ROBO1: variants seen among roughly 807,000 people sequenced by gnomAD.
The protein encoded by ROBO1 is roundabout homolog 1.
In ROBO1, 149 loss-of-function variants were observed where a neutral mutation model predicts 195.9. That is an observed-to-expected ratio of 0.76 (90% CI 0.67 to 0.87). The LOEUF (loss-of-function observed/expected upper bound fraction) is 0.87. Ranked by LOEUF, ROBO1 falls within the 40% of genes least tolerant of loss-of-function variation. The probability of loss-of-function intolerance (pLI) is 0.00; values close to 1 mark genes in which losing one functional copy is unlikely to be tolerated. For synonymous variants in ROBO1, 816 were observed against 733.2 expected (o/e 1.11, Z -1.82); for missense variants, 1,933 against 2,068.3 (o/e 0.93, Z 1.27).
intron 3 of ROBO1, among the ~76,000 whole-genome samples, chr3:79,054,423 G>A (rs543055025): frequency 1.3e-5 from 2 of 152,194 alleles, no homozygotes; most frequent in African/African-American, 4.8e-5. Flanking sequence ...TTTTGAAAAT[G>A]TGAACCATGA....
chr3:79,089,140 T>G (rs1383794483), intron 3 of ROBO1, among the ~76,000 whole-genome samples: 5 of 152,168 alleles, frequency 3.3e-5, no homozygotes, highest in African/African-American at 9.6e-5. Flanking sequence ...TGAAGAAATC[T>G]ACAACCTTAT....
chr3:79,542,406 C>T (rs1680708684), intron 2 of ROBO1, among the ~76,000 whole-genome samples: 1 of 151,966 alleles, frequency 6.6e-6, no homozygotes, highest in African/African-American at 2.4e-5. Context: ...GTATAATTGT[C>T]ACTTTCTAAA....
intron 30 of ROBO1, 84 bp from the exon 31 acceptor site, chr3:78,599,011 T>C: frequency 1.3e-6 from 1 of 746,774 alleles, no homozygotes; most frequent in Middle Eastern, 4.1e-4. Flanking sequence ...TTATTATTAT[T>C]ATAATTTAAT....
At chr3:79,023,094 A>T (rs2078133845) in intron 3 of ROBO1, among the ~76,000 whole-genome samples, 1 of 152,172 alleles carries the variant, frequency 6.6e-6, no homozygotes, top group African/African-American at 2.4e-5. Context: ...CTTAGCTAAA[A>T]GTCTTAGAAT....
chr3:78,626,822 CT>C (rs1282281797), intron 26 of ROBO1, among the ~76,000 whole-genome samples: 1 of 151,778 alleles, frequency 6.6e-6, no homozygotes, highest in Admixed American at 6.6e-5. Flanking sequence ...AAACTCATAT[CT>C]AAATCAAAGG....
chr3:79,621,393 T>G (rs1382770508), intron 1 of ROBO1, among the ~76,000 whole-genome samples: 1 of 152,184 alleles, frequency 6.6e-6, no homozygotes, highest in Non-Finnish European at 1.5e-5. Context: ...AAAGCTTTAT[T>G]GCTCACACAA....
chr3:78,722,267 T>C (rs2082061688), intron 5 of ROBO1, among the ~76,000 whole-genome samples: 1 of 152,148 alleles, frequency 6.6e-6, no homozygotes, highest in African/African-American at 2.4e-5. Context: ...GCTGTGTAAA[T>C]TGAAAGTAAC....
At chr3:79,643,648 A>T (rs1945732707) in intron 1 of ROBO1, among the ~76,000 whole-genome samples, 1 of 152,114 alleles carries the variant, frequency 6.6e-6, no homozygotes, top group Non-Finnish European at 1.5e-5. Context: ...TTAAGTTGTC[A>T]ACTTTTTAAT....
Position 78,972,966 on chromosome 3 carries a change from A to G in ROBO1, c.173-34039T>C, listed in dbSNP as rs138430152. On this transcript the variant is annotated intron_variant, in intron 3 of 30. Coordinates refer to ENST00000464233, the MANE Select transcript of ROBO1 (RefSeq NM_002941.4). ...TTGCACAGAAAAAAGATTTGTCTGT[A>G]AAGTAGAAAAATAAAACAACCACAC... 6.8e-4 allele frequency among the ~76,000 whole-genome samples: 103 copies of G among 152,338 alleles called. 2 individuals are homozygous for G. The East Asian group carries it at 0.017, about 25-fold the overall frequency.
intron 1 of ROBO1, among the ~76,000 whole-genome samples, chr3:79,681,987 T>C (rs192170152): frequency 6.6e-6 from 1 of 152,122 alleles, no homozygotes. Flanking sequence ...TATTTTAAAA[T>C]TCAAACTTAG....
intron 1 of ROBO1, among the ~76,000 whole-genome samples, chr3:79,698,850 A>G (rs1254249104): frequency 6.6e-6 from 1 of 151,616 alleles, no homozygotes; most frequent in Non-Finnish European, 1.5e-5. Context: ...CCATTGAAGA[A>G]TAAATCAAGA....
intron 2 of ROBO1, among the ~76,000 whole-genome samples, chr3:79,481,862 CTT>C (rs1227833572): frequency 6.6e-6 from 1 of 151,674 alleles, no homozygotes; most frequent in African/African-American, 2.4e-5. Flanking sequence ...AATATGGACA[CTT>C]TGCTAAATAA....
intron 2 of ROBO1, among the ~76,000 whole-genome samples, chr3:79,420,755 G>A (rs2038191351): frequency 6.6e-6 from 1 of 152,170 alleles, no homozygotes; most frequent in Non-Finnish European, 1.5e-5. Context: ...TGAGCTTGCA[G>A]AGAAAAGGGA....
intron 4 of ROBO1, among the ~76,000 whole-genome samples, chr3:78,760,676 C>G (rs1471718328): frequency 6.6e-6 from 1 of 152,120 alleles, no homozygotes; most frequent in Non-Finnish European, 1.5e-5. Context: ...GGGTCTTGCT[C>G]TGTCACCCAT....
At chr3:79,331,582 C>G (rs932805863) in intron 2 of ROBO1, among the ~76,000 whole-genome samples, 3 of 151,974 alleles carry the variant, frequency 2.0e-5, no homozygotes, top group Admixed American at 1.3e-4. Context: ...GATTTTAGAC[C>G]TTCTGATAGA....
chr3:78,840,633 C>G (rs546688346), intron 4 of ROBO1, among the ~76,000 whole-genome samples: 1 of 152,272 alleles, frequency 6.6e-6, no homozygotes, highest in East Asian at 1.9e-4. Flanking sequence ...AACCTCAATC[C>G]TTTCAGTAAT....
intron 2 of ROBO1, among the ~76,000 whole-genome samples, chr3:79,236,466 C>T (rs138866929): frequency 1.5e-3 from 228 of 152,124 alleles, no homozygotes; most frequent in African/African-American, 5.0e-3. Context: ...ATCATATATA[C>T]GAAAATTATA....
intron 2 of ROBO1, among the ~76,000 whole-genome samples, chr3:79,524,041 A>T (rs956060543): frequency 1.3e-5 from 2 of 152,080 alleles, no homozygotes; most frequent in Admixed American, 6.6e-5. Flanking sequence ...TGCATGAAAA[A>T]ACATTTTGAT....
chr3:79,719,376 C>T (rs575604849), intron 1 of ROBO1, among the ~76,000 whole-genome samples: 23 of 152,124 alleles, frequency 1.5e-4, no homozygotes, highest in African/African-American at 5.3e-4. Flanking sequence ...TATTAAATCT[C>T]TCTGAACCAT....
Sources: gnomAD v4.1 joint callset for allele counts (sites outside exome capture counted in the v4.1 genomes callset) on GRCh38, gnomAD v4.1.1 for gene constraint, MANE v1.5 for transcripts, NCBI Gene and HGNC (gene_info 2026-07-23, HGNC 2026-07-21) for gene names.